Variants in ABL1 observed in about 807,000 individuals in gnomAD.
ABL1 encodes ABL proto-oncogene 1, non-receptor tyrosine kinase.
In ABL1, 11 loss-of-function variants were observed where a neutral mutation model predicts 94.7. That is an observed-to-expected ratio of 0.12 (90% CI 0.07 to 0.19). The LOEUF is 0.19. Ranked by LOEUF, ABL1 falls within the 10% of genes least tolerant of loss-of-function variation. The pLI is 1.00. For missense variants in ABL1, 1,082 were observed against 1,489.4 expected, an observed-to-expected ratio of 0.73 and a Z score of 4.50; for synonymous variants, 656 against 622.4, an observed-to-expected ratio of 1.05 and a Z score of -0.80.
intron 1 of ABL1, among the ~76,000 whole-genome samples, chr9:130,756,258 A>C (rs1463859747): frequency 6.6e-6 from 1 of 151,706 alleles, no homozygotes; most frequent in East Asian, 1.9e-4. Context: ...GTTAGCAGAG[A>C]GCTTTCTCAT....
chr9:130,751,266 C>T (rs940559432), intron 1 of ABL1, among the ~76,000 whole-genome samples: 5 of 149,866 alleles, frequency 3.3e-5, no homozygotes, highest in African/African-American at 7.4e-5. Context: ...CTCAACCTCC[C>T]GAGTAGCTGG....
chr9:130,774,206 A>G (rs1832286428), intron 1 of ABL1, among the ~76,000 whole-genome samples: 1 of 152,226 alleles, frequency 6.6e-6, no homozygotes, highest in South Asian at 2.1e-4. Flanking sequence ...TTGGGCTAAT[A>G]CAAATAAAGC....
intron 4 of ABL1, among the ~76,000 whole-genome samples, chr9:130,864,476 C>T (rs972346554): frequency 6.6e-6 from 1 of 152,140 alleles, no homozygotes; most frequent in African/African-American, 2.4e-5. Context: ...AACTCCTGAC[C>T]TCAAGTGATC....
At chr9:130,815,407 C>T (rs1830271506) in intron 1 of ABL1, among the ~76,000 whole-genome samples, 3 of 152,156 alleles carry the variant, frequency 2.0e-5, no homozygotes, top group Admixed American at 6.6e-5. Flanking sequence ...TTCCTTTGTT[C>T]AGTTAAACCC....
chr9:130,735,533 T>G (rs1054116178), intron 1 of ABL1, among the ~76,000 whole-genome samples: 8 of 151,968 alleles, frequency 5.3e-5, no homozygotes, highest in African/African-American at 1.7e-4. Context: ...AAATATATAT[T>G]TATTACACAA....
At chr9:130,806,711 A>G (rs558159524) in intron 1 of ABL1, among the ~76,000 whole-genome samples, 12 of 152,354 alleles carry the variant, frequency 7.9e-5, no homozygotes, top group South Asian at 6.2e-4. Flanking sequence ...ATATAAGTAT[A>G]TACTTTTAAA....
chr9:130,866,987 A>T (rs551699299), intron 4 of ABL1, among the ~76,000 whole-genome samples: 1 of 152,136 alleles, frequency 6.6e-6, no homozygotes, highest in Non-Finnish European at 1.5e-5. Flanking sequence ...AGAGGCTGCA[A>T]TTTTTTAATG....
At chr9:130,868,633 G>C (rs1470864654) in intron 4 of ABL1, among the ~76,000 whole-genome samples, 5 of 143,082 alleles carry the variant, frequency 3.5e-5, no homozygotes, top group Non-Finnish European at 7.5e-5. Context: ...CAATTCTTCT[G>C]CCTCAGCCTC....
At chr9:130,785,419 C>T (rs1356650332) in intron 1 of ABL1, among the ~76,000 whole-genome samples, 1 of 152,176 alleles carries the variant, frequency 6.6e-6, no homozygotes, top group Non-Finnish European at 1.5e-5. Context: ...CACCGGCATG[C>T]TGTGTGTTCC....
chr9:130,775,218 C>T (rs1305315607), intron 1 of ABL1, among the ~76,000 whole-genome samples: 2 of 152,132 alleles, frequency 1.3e-5, no homozygotes, highest in African/African-American at 4.8e-5. Context: ...AAAGCTTCTC[C>T]AAACATGATC....
intron 1 of ABL1, among the ~76,000 whole-genome samples, chr9:130,761,318 T>C (rs1183514111): frequency 6.6e-6 from 1 of 152,104 alleles, no homozygotes; most frequent in East Asian, 1.9e-4. Flanking sequence ...ACCATTAAAA[T>C]CTGATCATTG....
chr9:130,714,318 T>C (rs781165560), exon 1 of ABL1: 3 of 1,598,384 alleles, frequency 1.9e-6, no homozygotes, highest in East Asian at 2.2e-5. Flanking sequence ...TATTATTACT[T>C]TATGGGGCAG....
intron 4 of ABL1, among the ~76,000 whole-genome samples, chr9:130,865,610 T>C (rs1831141567): frequency 6.6e-6 from 1 of 151,794 alleles, no homozygotes; most frequent in South Asian, 2.1e-4. Flanking sequence ...CAGCCAGGCG[T>C]GGTGGTGCGT....
intron 6 of ABL1, among the ~76,000 whole-genome samples, chr9:130,874,503 G>A (rs1312238871): frequency 1.3e-5 from 2 of 152,150 alleles, no homozygotes; most frequent in African/African-American, 2.4e-5. Flanking sequence ...TACTATTCTC[G>A]ACACTTCAAT....
At chr9:130,831,853 C>T (rs1291570023), upstream of ABL1, among the ~76,000 whole-genome samples, 1 of 152,136 alleles carries the variant, frequency 6.6e-6, no homozygotes, top group East Asian at 1.9e-4. Context: ...AGGTGATCGC[C>T]CACCTTAGCC....
rs531046511 is a variant in ABL1, at chr9:130,811,117, G to A, written c.137-42947G>A. Among the ~76,000 whole-genome samples, 23 of 151,758 alleles carry A rather than the reference G, an allele frequency of 1.5e-4. No homozygotes were observed. In the South Asian group the frequency reaches 4.8e-3, roughly 32 times the overall value. On this transcript the variant is annotated intron_variant, in intron 1 of 10. Coordinates refer to the ABL1 transcript ENST00000372348. ...TCTTTCAGACTTTAAAAAAAAAAAG[G>A]AAGAATTTATTACCAGTAGATATGC...
At chr9:130,837,036 G>T (rs191700609) in intron 1 of ABL1, among the ~76,000 whole-genome samples, 17 of 152,292 alleles carry the variant, frequency 1.1e-4, no homozygotes, top group African/African-American at 4.1e-4. Flanking sequence ...CACTAGTGAT[G>T]TGGGTGAAAC....
At chr9:130,790,602 T>C (rs2149726) in intron 1 of ABL1, among the ~76,000 whole-genome samples, 136,941 of 151,606 alleles carry the variant, frequency 0.9, 62,090 homozygotes, top group East Asian at 0.98. Context: ...TCCTGAGTAG[T>C]TGGGACTACA....
intron 1 of ABL1, among the ~76,000 whole-genome samples, chr9:130,727,497 A>G (rs1588212285): frequency 6.6e-6 from 1 of 152,074 alleles, no homozygotes; most frequent in Non-Finnish European, 1.5e-5. Context: ...GCGTGGTGGC[A>G]CACGCCTGTA....
Sources: allele counts gnomAD v4.1 joint callset (sites outside exome capture counted in the v4.1 genomes callset), GRCh38; gene constraint gnomAD v4.1.1; transcripts MANE v1.5; gene names NCBI Gene and HGNC (gene_info 2026-07-23, HGNC 2026-07-21).